IAPP: variants seen among roughly 807,000 people sequenced by gnomAD.
The protein encoded by IAPP is Islet amyloid polypeptide (diabetes-associated peptide; amylin).
In IAPP, 4 loss-of-function variants were observed where a neutral mutation model predicts 2.9. That is an observed-to-expected ratio of 1.39 (90% CI 0.69 to 3.19). IAPP has a LOEUF of 3.19. Ranked by LOEUF, IAPP falls within the 30% of genes most tolerant of loss-of-function variation. The pLI is 0.01. For synonymous variants in IAPP, 40 were observed against 42.1 expected (o/e 0.95, Z 0.19); for missense variants, 114 against 105.3 (o/e 1.08, Z -0.36).
Position 21,363,285 on chromosome 12 carries a change from C to CT in IAPP, c.-16+8273dup, listed in dbSNP as rs754934593. ...TACATGGAAACTGAACAACCTGCTC[C>CT]TGAATGACTACTGGGTACATAACGA... is the stretch of plus-strand genomic sequence containing the variant. On this transcript the variant is annotated intron_variant, in intron 1 of 2. Coordinates refer to the IAPP transcript ENST00000539393. 1.4e-4 allele frequency among the ~76,000 whole-genome samples: 21 copies of CT among 152,136 alleles called. 1 individual carries two copies. The highest frequency in any genetic ancestry group is 2.8e-4 in the Non-Finnish European group (19 of 68,038).
chr12:21,355,117 A>T (rs1938261548), intron 1 of IAPP: 1 of 152,208 alleles, frequency 6.6e-6, no homozygotes, highest in South Asian at 2.1e-4. Context: ...TTTCTTTATC[A>T]TATGATCCAT....
chr12:21,375,539 A>G (rs941016561), intron 2 of IAPP, among the ~76,000 whole-genome samples: 19 of 152,234 alleles, frequency 1.2e-4, no homozygotes, highest in African/African-American at 4.6e-4. Context: ...TAAAAGGATC[A>G]CATACTTTCC....
chr12:21,357,437 A>G (rs1457853303), intron 1 of IAPP, among the ~76,000 whole-genome samples: 1 of 152,238 alleles, frequency 6.6e-6, no homozygotes, highest in Non-Finnish European at 1.5e-5. Context: ...AACCCTGCTG[A>G]CACCTAATCT....
intron 1 of IAPP, among the ~76,000 whole-genome samples, chr12:21,364,656 T>C (rs572297350): frequency 2.0e-5 from 3 of 152,268 alleles, no homozygotes; most frequent in South Asian, 4.1e-4. Context: ...CCCCAACATC[T>C]CAGCCCAAAA....
At chr12:21,366,419 T>C (rs1015033198) in intron 1 of IAPP, among the ~76,000 whole-genome samples, 4 of 151,288 alleles carry the variant, frequency 2.6e-5, no homozygotes, top group African/African-American at 9.7e-5. Flanking sequence ...GGGGGAGGGA[T>C]AGCATTAGGA....
chr12:21,372,969 C>T lies in IAPP; in HGVS notation c.-51C>T, dbSNP rs1251225405. The T allele has an allele frequency of 4.1e-6, 1 of 245,382 alleles. No homozygotes were observed. Among genetic ancestry groups the T allele is most frequent in the Non-Finnish European group, 7.9e-6 (1 of 126,340 alleles). The allele number at this position is 245,382 out of a possible 1,614,324, so 15.2% of individuals were successfully genotyped here. On this transcript the variant is annotated 5_prime_UTR_variant, in exon 1 of 3. Transcript: ENST00000240652. ...CTTGAAGCTTTCTTTCTATCAGAAGCATTTGCTGATATTGCTGACATTGAA... is the reference window on the plus strand; with the variant it reads ...CTTGAAGCTTTCTTTCTATCAGAAGTATTTGCTGATATTGCTGACATTGAA...
chr12:21,378,602 T>C lies in IAPP; in HGVS notation c.*176T>C. On this transcript the variant is annotated 3_prime_UTR_variant, in exon 3 of 3. Transcript: ENST00000240652. ...TGTAGTACTAACTAAGGTCCCATAA[T>C]AAAAAGATAGTATCTTTTAAAATGA... 3.7e-6 allele frequency: 2 copies of C among 544,576 alleles called. No individual in the cohort carries two copies. Among genetic ancestry groups the C allele is most frequent in the Middle Eastern group, 4.8e-4 (1 of 2,078 alleles). The allele number at this position is 544,576 out of a possible 1,614,324, so 33.7% of individuals were successfully genotyped here.
chr12:21,358,831 A>G (rs557130965), intron 1 of IAPP, among the ~76,000 whole-genome samples: 5 of 152,198 alleles, frequency 3.3e-5, no homozygotes, highest in Non-Finnish European at 7.3e-5. Flanking sequence ...CAAAGCCACA[A>G]AGAGATTCCT....
intron 1 of IAPP, among the ~76,000 whole-genome samples, chr12:21,359,882 G>T (rs985833840): frequency 6.6e-6 from 1 of 152,026 alleles, no homozygotes; most frequent in Non-Finnish European, 1.5e-5. Flanking sequence ...CCTCAAACTA[G>T]AAACAACCCG....
intron 1 of IAPP, among the ~76,000 whole-genome samples, chr12:21,364,327 G>C (rs1273264318): frequency 6.6e-6 from 1 of 152,060 alleles, no homozygotes; most frequent in East Asian, 1.9e-4. Flanking sequence ...TGAAGAAAAG[G>C]CCTTTGACAA....
At chr12:21,357,028 A>C (rs1196142173) in intron 1 of IAPP, among the ~76,000 whole-genome samples, 1 of 152,214 alleles carries the variant, frequency 6.6e-6, no homozygotes, top group Non-Finnish European at 1.5e-5. Flanking sequence ...AATTTCACTG[A>C]GAAAGATTTA....
intron 1 of IAPP, among the ~76,000 whole-genome samples, chr12:21,361,439 C>A (rs546177671): frequency 1.6e-4 from 24 of 152,266 alleles, no homozygotes; most frequent in African/African-American, 5.8e-4. Flanking sequence ...GGGGAGAAAC[C>A]AGAGCAGAAA....
chr12:21,368,387 G>A (rs1000459597), upstream of IAPP, among the ~76,000 whole-genome samples: 11 of 151,998 alleles, frequency 7.2e-5, no homozygotes, highest in East Asian at 5.8e-4. Context: ...GAAAAATAAC[G>A]GACAGAAAAT....
chr12:21,373,196 G>T, intron 1 of IAPP, 141 bp from the exon 2 acceptor site: 1 of 663,634 alleles, frequency 1.5e-6, no homozygotes, highest in South Asian at 1.7e-5. Flanking sequence ...AATATTAAGG[G>T]ACTGTATCAA....
Position 21,378,645 on chromosome 12 carries a change from T to G in IAPP, c.*219T>G, listed in dbSNP as rs1221949093. 1 of 490,756 alleles carries G rather than the reference T, an allele frequency of 2.0e-6. No homozygotes were observed. Among genetic ancestry groups the G allele is most frequent in the African/African-American group, 1.9e-5 (1 of 52,162 alleles). 30.4% of individuals were successfully genotyped at this position (490,756 alleles called of 1,614,324 possible). On this transcript the variant is annotated 3_prime_UTR_variant, in exon 3 of 3. Coordinates refer to ENST00000240652, the MANE Select transcript of IAPP (RefSeq NM_000415.3). ...TAAAATGAAATGTTTTTGCTATAGA[T>G]TTGTATTTTAAAACATAAGAACGTC... is the stretch of plus-strand genomic sequence containing the variant.
intron 1 of IAPP, among the ~76,000 whole-genome samples, chr12:21,355,797 A>C (rs891542157): frequency 1.3e-5 from 2 of 152,208 alleles, no homozygotes; most frequent in African/African-American, 4.8e-5. Context: ...TGTATGCTGA[A>C]ATTATCAGAT....
intron 1 of IAPP, among the ~76,000 whole-genome samples, chr12:21,363,193 G>A (rs11502425): frequency 0.32 from 49,151 of 151,818 alleles, 8,257 homozygotes; most frequent in East Asian, 0.46. Flanking sequence ...ATAACAAACT[G>A]TCTCTCAGAC....
intron 1 of IAPP, among the ~76,000 whole-genome samples, chr12:21,363,022 A>T (rs1331737073): frequency 6.6e-6 from 1 of 152,148 alleles, no homozygotes; most frequent in Non-Finnish European, 1.5e-5. Flanking sequence ...CAGGAATTAA[A>T]CTCAGCTCTG....
At position 21,362,108 on chromosome 12, in the gene IAPP, T is replaced by G. The variant is rs923206948; in HGVS notation, c.-16+7095T>G. Among the ~76,000 whole-genome samples the G allele has an allele frequency of 2.6e-4, 40 of 151,930 alleles. 1 individual carries two copies. Among genetic ancestry groups the G allele is most frequent in the African/African-American group, 7.5e-4 (31 of 41,362 alleles). On this transcript the variant is annotated intron_variant, in intron 1 of 2. Transcript: ENST00000539393. ...CACATAATTGTCAGATTCACCAAAG[T>G]TGAAATGAAGGAAAAAATGTTAAGG...
Sources: allele counts gnomAD v4.1 joint callset (sites outside exome capture counted in the v4.1 genomes callset), GRCh38; gene constraint gnomAD v4.1.1; transcripts MANE v1.5; gene names NCBI Gene and HGNC (gene_info 2026-07-23, HGNC 2026-07-21).